The following FNDC3B variants were observed in gnomAD, a reference collection of about 807,000 sequenced individuals.
FNDC3B encodes the protein fibronectin type III domain containing 3B.
A neutral mutation model predicts 151.5 loss-of-function variants in FNDC3B; 12 were observed. That is an observed-to-expected ratio of 0.08 (90% CI 0.05 to 0.13). The LOEUF (loss-of-function observed/expected upper bound fraction) is 0.13. FNDC3B is among the 10% of genes least tolerant of loss of function. FNDC3B has a pLI of 1.00. For synonymous variants in FNDC3B, 528 were observed against 549.0 expected (o/e 0.96, Z 0.54); for missense variants, 1,214 against 1,505.3 (o/e 0.81, Z 3.20).
intron 2 of FNDC3B, among the ~76,000 whole-genome samples, chr3:172,121,254 A>G (rs1720531903): frequency 6.6e-6 from 1 of 152,208 alleles, no homozygotes; most frequent in African/African-American, 2.4e-5. Flanking sequence ...AGGCATGTGC[A>G]TTGTGTATCA....
chr3:172,218,134 GAAAAAAAAAAAAAA>G (rs57576493), intron 3 of FNDC3B, among the ~76,000 whole-genome samples: 3 of 62,740 alleles, frequency 4.8e-5, no homozygotes, highest in Non-Finnish European at 9.2e-5. Context: ...CGACTTTCAG[GAAAAAAAAAAAAAA>G]AAAAAAAAAA....
At chr3:172,133,261 A>G (rs1721197605) in intron 2 of FNDC3B, among the ~76,000 whole-genome samples, 1 of 152,258 alleles carries the variant, frequency 6.6e-6, no homozygotes, top group South Asian at 2.1e-4. Flanking sequence ...ATAGCATCAT[A>G]AGCAACACAG....
chr3:172,156,950 G>A (rs1396671664), intron 3 of FNDC3B, among the ~76,000 whole-genome samples: 1 of 152,102 alleles, frequency 6.6e-6, no homozygotes, highest in Non-Finnish European at 1.5e-5. Flanking sequence ...TAATAACAGT[G>A]CTTTTAAGTA....
At chr3:172,290,649 G>A (rs541812183) in intron 7 of FNDC3B, among the ~76,000 whole-genome samples, 3 of 152,194 alleles carry the variant, frequency 2.0e-5, no homozygotes, top group East Asian at 3.8e-4. Flanking sequence ...TTCCAGAAGC[G>A]AGTAAACTGA....
At chr3:172,381,594 A>G (rs1735442222) in intron 25 of FNDC3B, among the ~76,000 whole-genome samples, 1 of 151,708 alleles carries the variant, frequency 6.6e-6, no homozygotes, top group East Asian at 1.9e-4. Flanking sequence ...TACATTAGGT[A>G]TTTCTCCTAA....
Position 172,330,713 on chromosome 3 carries a change from A to C in FNDC3B, c.1552A>C (p.Asn518His). ...TYTLEIQEDE[N>H]DNLFHPKYTG... ...CACCTTGGAAATTCAGGAGGATGAAAATGTGAGTTTTACAGATTTTATACT... is the reference window on the plus strand; with the variant it reads ...CACCTTGGAAATTCAGGAGGATGAACATGTGAGTTTTACAGATTTTATACT... Residue 518 changes from asparagine to histidine, a missense_variant and splice_region_variant, in exon 13 of 26, where the codon AAT becomes CAT. By Grantham distance (68) the Asn-to-His change is moderately conservative. Transcript: ENST00000415807. 6.2e-7 allele frequency: 1 copy of C among 1,612,090 alleles called. No homozygotes were observed. The highest frequency in any genetic ancestry group is 8.5e-7 in the Non-Finnish European group (1 of 1,178,466).
At chr3:172,046,521 C>A (rs1198596697) in intron 1 of FNDC3B, among the ~76,000 whole-genome samples, 1 of 151,816 alleles carries the variant, frequency 6.6e-6, no homozygotes, top group Non-Finnish European at 1.5e-5. Flanking sequence ...CAGGGTTTCA[C>A]TTTGTGGCTC....
chr3:172,294,819 A>C (rs945671279), intron 7 of FNDC3B, among the ~76,000 whole-genome samples: 6 of 152,316 alleles, frequency 3.9e-5, no homozygotes, highest in African/African-American at 1.4e-4. Context: ...AGGCTAAACC[A>C]AAAGTATGAA....
At chr3:172,167,055 A>G (rs1163926989) in intron 3 of FNDC3B, among the ~76,000 whole-genome samples, 1 of 152,188 alleles carries the variant, frequency 6.6e-6, no homozygotes. Flanking sequence ...TATTTTATAG[A>G]TAAGGAAACC....
Position 172,399,041 on chromosome 3 carries a change from A to G in FNDC3B, c.*1566A>G, listed in dbSNP as rs1352266599. 6.6e-6 allele frequency: 1 copy of G among 152,642 alleles called. No homozygotes were observed. Among genetic ancestry groups the G allele is most frequent in the Non-Finnish European group, 1.5e-5 (1 of 68,048 alleles). 9.5% of individuals were successfully genotyped at this position (152,642 alleles called of 1,614,324 possible). ...TTTTGCTACTTGGTTTTTCTTGATC[A>G]TAGCTATTTTGTGCTTGATCTTTAT... On this transcript the variant is annotated 3_prime_UTR_variant, in exon 26 of 26. Coordinates refer to ENST00000415807, the MANE Select transcript of FNDC3B (RefSeq NM_022763.4).
At chr3:172,090,696 C>T (rs1224112367) in intron 1 of FNDC3B, among the ~76,000 whole-genome samples, 1 of 152,094 alleles carries the variant, frequency 6.6e-6, no homozygotes, top group African/African-American at 2.4e-5. Context: ...GAAGATAATA[C>T]AGATTGAGTA....
intron 3 of FNDC3B, among the ~76,000 whole-genome samples, chr3:172,189,849 T>A (rs1314593110): frequency 1.3e-5 from 2 of 150,030 alleles, no homozygotes; most frequent in Non-Finnish European, 3.0e-5. Context: ...CATTCAGTCA[T>A]GTTTTTATTA....
rs182204885 is a variant in FNDC3B at position 172,385,025 on chromosome 3, C to T, written c.3303+3932C>T. 7.4e-4 allele frequency among the ~76,000 whole-genome samples: 112 copies of T among 151,880 alleles called. 1 individual carries two copies. Among genetic ancestry groups the T allele is most frequent in the African/African-American group, 2.5e-3 (105 of 41,438 alleles). On this transcript the variant is annotated intron_variant, in intron 25 of 25. Coordinates refer to ENST00000415807, the MANE Select transcript of FNDC3B (RefSeq NM_022763.4). ...CCAAGAAATGATTAAGGAGAGTAGT[C>T]GTACATGAAAAGCCACAGTTGAGTC...
intron 15 of FNDC3B, among the ~76,000 whole-genome samples, chr3:172,336,680 C>CA (rs1185606781): frequency 6.9e-6 from 1 of 143,928 alleles, no homozygotes; most frequent in Non-Finnish European, 1.6e-5. Context: ...GCAAGTGGAT[C>CA]ACCTGAGGTC....
intron 15 of FNDC3B, among the ~76,000 whole-genome samples, chr3:172,336,767 G>A (rs1732990378): frequency 6.6e-6 from 1 of 151,962 alleles, no homozygotes; most frequent in Admixed American, 6.5e-5. Flanking sequence ...GCCAGGCGTA[G>A]TGGCGGGCGC....
chr3:172,197,924 A>C (rs1175480850), intron 3 of FNDC3B, among the ~76,000 whole-genome samples: 1 of 152,210 alleles, frequency 6.6e-6, no homozygotes, highest in Non-Finnish European at 1.5e-5. Context: ...CATTGTAATG[A>C]GTAAATATTT....
intron 1 of FNDC3B, among the ~76,000 whole-genome samples, chr3:172,053,685 TCATTTGAAC>T (rs573602254): frequency 2.3e-3 from 351 of 150,092 alleles, no homozygotes; most frequent in Non-Finnish European, 3.0e-3. Context: ...GGCAGGAGAA[TCATTTGAAC>T]CTGGGAGGCG....
intron 20 of FNDC3B, 91 bp from the exon 21 acceptor site, chr3:172,347,121 C>G: frequency 8.8e-7 from 1 of 1,133,724 alleles, no homozygotes; most frequent in Non-Finnish European, 1.3e-6. Context: ...GGGCATGTTG[C>G]TCTCTTTCCC....
chr3:172,143,716 C>T (rs1378542610), intron 3 of FNDC3B, among the ~76,000 whole-genome samples: 1 of 151,940 alleles, frequency 6.6e-6, no homozygotes, highest in Non-Finnish European at 1.5e-5. Context: ...TGAGACCATC[C>T]TGGCCAACAT....
Sources: allele counts gnomAD v4.1 joint callset (sites outside exome capture counted in the v4.1 genomes callset), GRCh38; gene constraint gnomAD v4.1.1; transcripts MANE v1.5; gene names NCBI Gene and HGNC (gene_info 2026-07-23, HGNC 2026-07-21).